Variants in PEBP4 observed in about 807,000 individuals in gnomAD.
PEBP4 encodes the protein phosphatidylethanolamine-binding protein 4.
PEBP4 carries 22 observed loss-of-function variants against 23.9 expected under a neutral mutation model. The ratio of observed to expected loss-of-function variants is 0.92; its 90% CI spans 0.66 to 1.31. The LOEUF is 1.31. Ranked by LOEUF, PEBP4 falls within the 40% of genes most tolerant of loss-of-function variation. The pLI is 0.00. For missense variants in PEBP4, 324 were observed against 281.7 expected, an observed-to-expected ratio of 1.15 and a Z score of -1.07; for synonymous variants, 112 against 99.3, an observed-to-expected ratio of 1.13 and a Z score of -0.76.
At chr8:22,918,445 G>A (rs1250487683) in intron 3 of PEBP4, among the ~76,000 whole-genome samples, 2 of 152,162 alleles carry the variant, frequency 1.3e-5, no homozygotes, top group Admixed American at 1.3e-4. Flanking sequence ...TGTGGCGTGG[G>A]TGATGTCGTC....
intron 4 of PEBP4, among the ~76,000 whole-genome samples, chr8:22,790,545 AG>A (rs896290822): frequency 2.0e-4 from 30 of 152,252 alleles, no homozygotes; most frequent in Admixed American, 1.9e-3. Flanking sequence ...AGAAAACACC[AG>A]GGATATCTCG....
Position 22,882,285 on chromosome 8 carries a change from G to A in PEBP4, c.258+37899C>T, listed in dbSNP as rs111484798. 3.6e-4 allele frequency among the ~76,000 whole-genome samples: 55 copies of A among 152,340 alleles called. 1 individual carries two copies. Among genetic ancestry groups the A allele is most frequent in the African/African-American group, 1.2e-3 (50 of 41,582 alleles). Reference sequence around the variant, plus strand: ...AGAACTGGAGACATGGGATGTCTTAGTCCAACTCTAGGAAAGTGTGCGTCA... The same window carrying A: ...AGAACTGGAGACATGGGATGTCTTAATCCAACTCTAGGAAAGTGTGCGTCA... On this transcript the variant is annotated intron_variant, in intron 3 of 6. Transcript: ENST00000256404.
At chr8:22,736,663 C>A (rs1804866476) in intron 4 of PEBP4, among the ~76,000 whole-genome samples, 1 of 152,142 alleles carries the variant, frequency 6.6e-6, no homozygotes, top group Admixed American at 6.6e-5. Flanking sequence ...GAGTTTGTTG[C>A]TAAATGTGAT....
chr8:22,913,367 C>A (rs1416660318), intron 3 of PEBP4, among the ~76,000 whole-genome samples: 1 of 152,138 alleles, frequency 6.6e-6, no homozygotes, highest in Admixed American at 6.5e-5. Context: ...CCCTGCACCT[C>A]CCTCCTCTGT....
At chr8:22,845,868 G>A (rs146069204) in intron 3 of PEBP4, among the ~76,000 whole-genome samples, 89 of 152,346 alleles carry the variant, frequency 5.8e-4, no homozygotes, top group Middle Eastern at 3.4e-3. Context: ...GACCTGGCAC[G>A]GGCCTGGCCC....
At chr8:22,836,688 C>T (rs1450905632) in intron 3 of PEBP4, among the ~76,000 whole-genome samples, 1 of 152,204 alleles carries the variant, frequency 6.6e-6, no homozygotes, top group African/African-American at 2.4e-5. Flanking sequence ...TCTGTCCCCT[C>T]CTCAAAGTCT....
At chr8:22,799,206 T>A (rs555311487) in intron 4 of PEBP4, among the ~76,000 whole-genome samples, 1 of 152,316 alleles carries the variant, frequency 6.6e-6, no homozygotes, top group South Asian at 2.1e-4. Context: ...CCGTCCTCCC[T>A]TCCACATCTC....
chr8:22,892,462 G>A (rs1190711343), intron 3 of PEBP4, among the ~76,000 whole-genome samples: 1 of 152,088 alleles, frequency 6.6e-6, no homozygotes, highest in African/African-American at 2.4e-5. Context: ...AATAATTCCT[G>A]GAGGCCTAAG....
intron 3 of PEBP4, among the ~76,000 whole-genome samples, chr8:22,895,062 TG>T (rs1354044397): frequency 1.3e-5 from 2 of 152,236 alleles, no homozygotes; most frequent in Non-Finnish European, 2.9e-5. Flanking sequence ...AGGTGCCATT[TG>T]TTTTTTAATA....
intron 6 of PEBP4, among the ~76,000 whole-genome samples, chr8:22,718,294 G>T (rs574656910): frequency 1.3e-4 from 20 of 152,310 alleles, no homozygotes; most frequent in African/African-American, 4.3e-4. Context: ...TGCAGCTGGG[G>T]TTGGGGCAGG....
chr8:22,762,013 T>A (rs1805517785), intron 4 of PEBP4, among the ~76,000 whole-genome samples: 1 of 148,444 alleles, frequency 6.7e-6, no homozygotes, highest in African/African-American at 2.5e-5. Flanking sequence ...ACAAGCCCCC[T>A]TTTCCAAACC....
At chr8:22,823,265 T>C (rs564536742) in intron 3 of PEBP4, among the ~76,000 whole-genome samples, 4 of 152,036 alleles carry the variant, frequency 2.6e-5, no homozygotes, top group Admixed American at 2.0e-4. Flanking sequence ...ATAAATGATA[T>C]TGGGAAAACT....
intron 4 of PEBP4, among the ~76,000 whole-genome samples, chr8:22,745,111 A>T (rs954705113): frequency 1.3e-5 from 2 of 152,156 alleles, no homozygotes; most frequent in African/African-American, 4.8e-5. Context: ...CCTTTGCTGG[A>T]ATTTCTCTGG....
At chr8:22,790,757 G>GTT (rs1410931664) in intron 4 of PEBP4, among the ~76,000 whole-genome samples, 2 of 152,178 alleles carry the variant, frequency 1.3e-5, no homozygotes, top group African/African-American at 4.8e-5. Context: ...TTTAATTGCT[G>GTT]TTACTGTCAG....
intron 3 of PEBP4, among the ~76,000 whole-genome samples, chr8:22,851,808 A>G (rs1807557312): frequency 6.6e-6 from 1 of 152,026 alleles, no homozygotes; most frequent in Admixed American, 6.5e-5. Flanking sequence ...GTGCAAAGAG[A>G]CAGCCGGATG....
At chr8:22,869,056 C>A (rs1807958875) in intron 3 of PEBP4, among the ~76,000 whole-genome samples, 1 of 152,222 alleles carries the variant, frequency 6.6e-6, no homozygotes. Context: ...ACACTGGCCT[C>A]CTTGCAGTTC....
At chr8:22,771,721 A>G (rs944158825) in intron 4 of PEBP4, among the ~76,000 whole-genome samples, 2 of 152,208 alleles carry the variant, frequency 1.3e-5, no homozygotes, top group African/African-American at 4.8e-5. Context: ...AGACATGCCC[A>G]CCAGCATGCT....
At chr8:22,894,194 AT>A (rs1160317311) in intron 3 of PEBP4, among the ~76,000 whole-genome samples, 1 of 149,340 alleles carries the variant, frequency 6.7e-6, no homozygotes, top group African/African-American at 2.4e-5. Flanking sequence ...TGTCAGAATG[AT>A]GAATATAAAG....
intron 4 of PEBP4, among the ~76,000 whole-genome samples, chr8:22,771,467 T>G (rs7840266): frequency 0.21 from 31,217 of 151,948 alleles, 3,330 homozygotes; most frequent in East Asian, 0.31. Flanking sequence ...CCAGCCTGGG[T>G]GACGGAGTGA....
Sources: gnomAD v4.1 joint callset for allele counts (sites outside exome capture counted in the v4.1 genomes callset) on GRCh38, gnomAD v4.1.1 for gene constraint, MANE v1.5 for transcripts, NCBI Gene and HGNC (gene_info 2026-07-23, HGNC 2026-07-21) for gene names.